The following GMDS variants were observed in gnomAD, a reference collection of about 807,000 sequenced individuals.
The protein encoded by GMDS is GDP-mannose 4,6 dehydratase.
A neutral mutation model predicts 49.9 loss-of-function variants in GMDS; 20 were observed. That is an observed-to-expected ratio of 0.40 (90% confidence interval 0.28 to 0.58). The LOEUF is 0.58. Ranked by LOEUF, GMDS falls within the 20% of genes least tolerant of loss-of-function variation. The pLI, the probability that GMDS is intolerant of heterozygous loss-of-function variation, is 0.42. For missense variants in GMDS, 362 were observed against 481.4 expected (o/e 0.75, Z 2.32); for synonymous variants, 177 against 178.6 (o/e 0.99, Z 0.07).
At chr6:1,808,904 CTGTGTG>C (rs35317273) in intron 7 of GMDS, among the ~76,000 whole-genome samples, 7 of 149,326 alleles carry the variant, frequency 4.7e-5, no homozygotes, top group East Asian at 2.0e-4. Context: ...CATGCTCTCT[CTGTGTG>C]TGTGTGTGTG....
chr6:1,807,262 G>A (rs910172658), intron 7 of GMDS, among the ~76,000 whole-genome samples: 1 of 152,098 alleles, frequency 6.6e-6, no homozygotes, highest in Non-Finnish European at 1.5e-5. Context: ...GGCTGGTCTC[G>A]AACTCCTGGG....
At chr6:1,963,093 T>G (rs1035501439) in intron 4 of GMDS, among the ~76,000 whole-genome samples, 2 of 151,764 alleles carry the variant, frequency 1.3e-5, no homozygotes, top group African/African-American at 4.8e-5. Context: ...ACTAGGGTGG[T>G]CTCAAACTCC....
intron 4 of GMDS, among the ~76,000 whole-genome samples, chr6:2,029,504 A>G (rs1768824619): frequency 6.6e-6 from 1 of 152,190 alleles, no homozygotes; most frequent in Non-Finnish European, 1.5e-5. Context: ...GGTATTGGTA[A>G]TTTCCCAGAA....
chr6:1,798,343 T>C (rs1188618436), intron 7 of GMDS, among the ~76,000 whole-genome samples: 1 of 152,060 alleles, frequency 6.6e-6, no homozygotes. Flanking sequence ...AACTCCACAC[T>C]GTGGTATGAT....
At chr6:1,847,930 GAGAT>G (rs1256363589) in intron 7 of GMDS, among the ~76,000 whole-genome samples, 4 of 152,104 alleles carry the variant, frequency 2.6e-5, no homozygotes, top group Non-Finnish European at 5.9e-5. Flanking sequence ...AGAGTGAGAC[GAGAT>G]ATATGAAAGA....
intron 9 of GMDS, among the ~76,000 whole-genome samples, chr6:1,718,008 T>C (rs907058793): frequency 6.6e-6 from 1 of 152,232 alleles, no homozygotes; most frequent in Non-Finnish European, 1.5e-5. Context: ...TCTGGCCCTA[T>C]GGCTCTCAGA....
chr6:1,935,857 T>A (rs1229105576), intron 6 of GMDS, among the ~76,000 whole-genome samples: 1 of 152,162 alleles, frequency 6.6e-6, no homozygotes, highest in Admixed American at 6.5e-5. Context: ...AAAACCAGTA[T>A]ATGCTGGGTA....
intron 8 of GMDS, among the ~76,000 whole-genome samples, chr6:1,737,419 G>A (rs988496354): frequency 2.5e-4 from 38 of 152,158 alleles, no homozygotes; most frequent in African/African-American, 8.9e-4. Flanking sequence ...TACATACTTA[G>A]TGGTAAGTTG....
At chr6:1,780,672 C>T (rs541673071) in intron 7 of GMDS, among the ~76,000 whole-genome samples, 36 of 152,344 alleles carry the variant, frequency 2.4e-4, no homozygotes, top group Non-Finnish European at 7.3e-5. Context: ...CCGTCTCCTG[C>T]CCAGGTGCCG....
At chr6:1,758,151 C>G (rs887629335) in intron 7 of GMDS, among the ~76,000 whole-genome samples, 3 of 152,198 alleles carry the variant, frequency 2.0e-5, no homozygotes, top group African/African-American at 7.2e-5. Flanking sequence ...CTACTCTAAT[C>G]CTGTTTGCTT....
rs768105241 is a variant in GMDS at position 2,041,690 on chromosome 6, T to C, written c.345+74081A>G. On this transcript the variant is annotated intron_variant, in intron 4 of 10. Transcript: ENST00000380815. ...GGGGAGGTGGAGGTCAGGAGTGCAG[T>C]AGGGCTCAGGGGTGTCTGCTGAACA... Among the ~76,000 whole-genome samples, 11 of 152,198 alleles carry C rather than the reference T, an allele frequency of 7.2e-5. No homozygotes were observed. The South Asian group carries it at 1.0e-3, about 14-fold the overall frequency.
chr6:2,148,460 G>A (rs565837066), intron 1 of GMDS, among the ~76,000 whole-genome samples: 5 of 152,092 alleles, frequency 3.3e-5, no homozygotes, highest in Non-Finnish European at 4.4e-5. Context: ...ACCTCTTGTC[G>A]CCCAGGCTGG....
At position 1,737,305 on chromosome 6, in the gene GMDS, T is replaced by G. The variant is rs576186714; in HGVS notation, c.890+5163A>C. ...TACTCTTACAACTCTCTTCTCAAAA[T>G]TTAACAAGATTAATGACAGAAAATT... On this transcript the variant is annotated intron_variant, in intron 8 of 10. Coordinates refer to ENST00000380815, the MANE Select transcript of GMDS (RefSeq NM_001500.4). Among the ~76,000 whole-genome samples the G allele has an allele frequency of 2.0e-5, 3 of 152,294 alleles. No homozygotes were observed. In the South Asian group the frequency reaches 6.2e-4, roughly 32 times the overall value.
At chr6:1,861,652 G>T (rs950368795) in intron 7 of GMDS, among the ~76,000 whole-genome samples, 2 of 152,004 alleles carry the variant, frequency 1.3e-5, no homozygotes, top group African/African-American at 4.8e-5. Flanking sequence ...ATGCGAAAAG[G>T]CAGGAGGTAT....
chr6:2,055,083 G>A (rs1481079200), intron 4 of GMDS, among the ~76,000 whole-genome samples: 1 of 152,064 alleles, frequency 6.6e-6, no homozygotes, highest in Non-Finnish European at 1.5e-5. Context: ...AGCAGCAAAT[G>A]GGTTTAGCAG....
chr6:1,881,398 T>C (rs1759357444), intron 7 of GMDS, among the ~76,000 whole-genome samples: 1 of 152,114 alleles, frequency 6.6e-6, no homozygotes, highest in Admixed American at 6.6e-5. Flanking sequence ...CATTAAAAGA[T>C]TAAAAAGAAA....
intron 4 of GMDS, among the ~76,000 whole-genome samples, chr6:2,108,049 C>G (rs1010004936): frequency 6.6e-6 from 1 of 152,102 alleles, no homozygotes; most frequent in African/African-American, 2.4e-5. Flanking sequence ...TAAACTATAT[C>G]GATTCATAAA....
intron 7 of GMDS, among the ~76,000 whole-genome samples, chr6:1,862,723 T>G (rs1758250298): frequency 6.6e-6 from 1 of 152,220 alleles, no homozygotes; most frequent in Non-Finnish European, 1.5e-5. Flanking sequence ...CATAGTTCCC[T>G]GGGTAAAAAA....
intron 4 of GMDS, among the ~76,000 whole-genome samples, chr6:2,088,989 G>A (rs1363209329): frequency 6.6e-6 from 1 of 152,196 alleles, no homozygotes; most frequent in East Asian, 1.9e-4. Flanking sequence ...AATTCATCCA[G>A]TGAACATTTA....
Sources: gnomAD v4.1 joint callset for allele counts (sites outside exome capture counted in the v4.1 genomes callset) on GRCh38, gnomAD v4.1.1 for gene constraint, MANE v1.5 for transcripts, NCBI Gene and HGNC (gene_info 2026-07-23, HGNC 2026-07-21) for gene names.